TET1: variants seen among roughly 807,000 people sequenced by gnomAD.
TET1 encodes the protein tet methylcytosine dioxygenase 1, also known as methylcytosine dioxygenase TET1.
Under a neutral mutation model 148.7 loss-of-function variants are expected in TET1, and 13 were observed. The observed-to-expected ratio is 0.09, with a 90% CI of 0.06 to 0.14. The LOEUF is 0.14. TET1 is among the 10% of genes least tolerant of loss of function. The pLI is 1.00. For synonymous variants in TET1, 907 were observed against 937.2 expected, an observed-to-expected ratio of 0.97 and a Z score of 0.59; for missense variants, 2,182 against 2,553.8, an observed-to-expected ratio of 0.85 and a Z score of 3.14.
chr10:68,592,053 C>T (rs897229361), intron 2 of TET1, among the ~76,000 whole-genome samples: 1 of 152,170 alleles, frequency 6.6e-6, no homozygotes, highest in African/African-American at 2.4e-5. Flanking sequence ...TATGGTGGCT[C>T]ACGCCTGTAA....
intron 2 of TET1, among the ~76,000 whole-genome samples, chr10:68,593,943 T>TTTTTG (rs2053949574): frequency 1.5e-5 from 2 of 131,228 alleles, no homozygotes; most frequent in Non-Finnish European, 3.2e-5. Context: ...TTTTTTTTTT[T>TTTTTG]GAGACAGAGT....
intron 10 of TET1, among the ~76,000 whole-genome samples, chr10:68,685,565 T>G (rs2055497789): frequency 1.3e-5 from 2 of 152,114 alleles, no homozygotes; most frequent in Admixed American, 6.5e-5. Context: ...ATTAAAATAT[T>G]AGTTTTATAA....
chr10:68,645,411 A>C lies in TET1; in HGVS notation c.2682A>C (p.Ile894=), dbSNP rs751745328. The C allele has an allele frequency of 2.5e-6, 4 of 1,614,076 alleles. No homozygotes were observed. The highest frequency in any genetic ancestry group is 3.4e-6 in the Non-Finnish European group (4 of 1,180,036). ...RRLTLEQVVA[I]EALTQLSEAP... is the part of the protein sequence containing the mutation. ...TAACATTGGAGCAAGTGGTAGCCAT[A>C]GAGGCCCTGACTCAACTCTCAGAAG... is the stretch of plus-strand genomic sequence containing the variant. The change falls in exon 4 of 12, where the codon ATA becomes ATC. Residue 894 remains isoleucine, a synonymous_variant. Coordinates refer to ENST00000373644, the MANE Select transcript of TET1 (RefSeq NM_030625.3).
chr10:68,597,030 A>ATTTTTTTTTGTTTTTTTTTTT (rs2053996490), intron 2 of TET1, among the ~76,000 whole-genome samples: 1 of 98,894 alleles, frequency 1.0e-5, no homozygotes, highest in Non-Finnish European at 1.9e-5. Flanking sequence ...CAGCTAATGG[A>ATTTTTTTTTGTTTTTTTTTTT]TTTTTTTTTT....
At chr10:68,583,877 C>T (rs1052592113) in intron 2 of TET1, among the ~76,000 whole-genome samples, 6 of 151,654 alleles carry the variant, frequency 4.0e-5, no homozygotes, top group Non-Finnish European at 5.9e-5. Flanking sequence ...AACCACTGCA[C>T]ACCAGTCTGG....
chr10:68,676,668 G>A lies in TET1; in HGVS notation c.4824+3623G>A, dbSNP rs547906242. Among the ~76,000 whole-genome samples, 10 of 151,846 alleles carry A rather than the reference G, an allele frequency of 6.6e-5. No individual in the cohort carries two copies. The South Asian group carries it at 8.3e-4, about 13-fold the overall frequency. On this transcript the variant is annotated intron_variant, in intron 8 of 11. Transcript: ENST00000373644. ...GACCTCAGATGATCTGCCCTCCTCC[G>A]CCTCCCAAAGTGCTGGGATTATAGA... is the stretch of plus-strand genomic sequence containing the variant.
At chr10:68,580,604 AC>A (rs768802168) in intron 2 of TET1, among the ~76,000 whole-genome samples, 123 of 150,006 alleles carry the variant, frequency 8.2e-4, no homozygotes, top group Non-Finnish European at 1.5e-3. Flanking sequence ...CATGGTGAAA[AC>A]CCATCTCTAC....
At chr10:68,662,618 A>G (rs566165503) in intron 6 of TET1, among the ~76,000 whole-genome samples, 65 of 152,246 alleles carry the variant, frequency 4.3e-4, no homozygotes, top group African/African-American at 1.4e-3. Context: ...TGGTTTTATC[A>G]TGGCTGGGCG....
chr10:68,624,602 C>CCCTT (rs2054426454), intron 3 of TET1, among the ~76,000 whole-genome samples: 1 of 113,852 alleles, frequency 8.8e-6, no homozygotes, highest in African/African-American at 3.3e-5. Flanking sequence ...TTTTCTTTTT[C>CCCTT]TCTTTCTTTC....
In TET1 at chr10:68,686,401, C is replaced by T. The variant is rs774147515; in HGVS notation, c.5098C>T (p.Pro1700Ser). 2 of 1,613,386 alleles carry T rather than the reference C, an allele frequency of 1.2e-6. No individual in the cohort carries two copies. Among genetic ancestry groups the T allele is most frequent in the Non-Finnish European group, 1.7e-6 (2 of 1,179,718 alleles). ...AGATAACCGCTCTTTGGGTGTTATTCCTCAAGATGAGCAGCTCCATGTGCT... is the reference window on the plus strand; with the variant it reads ...AGATAACCGCTCTTTGGGTGTTATTTCTCAAGATGAGCAGCTCCATGTGCT... ...REDNRSLGVIPQDEQLHVLPL... is the reference protein window; with the variant it reads ...REDNRSLGVISQDEQLHVLPL... The change falls in exon 11 of 12, where the codon CCT becomes TCT. Residue 1700 changes from proline (P) to serine (S), a missense_variant. Transcript: ENST00000373644.
At chr10:68,613,021 T>A (rs1564968184) in intron 3 of TET1, among the ~76,000 whole-genome samples, 1 of 152,218 alleles carries the variant, frequency 6.6e-6, no homozygotes, top group Admixed American at 6.5e-5. Flanking sequence ...TCAATACATT[T>A]ATCTTTTTAA....
intron 3 of TET1, among the ~76,000 whole-genome samples, chr10:68,624,099 CT>C (rs773374173): frequency 1.4e-5 from 2 of 148,028 alleles, no homozygotes; most frequent in African/African-American, 4.9e-5. Flanking sequence ...TTCTTTCTTT[CT>C]TTTCTTTTTT....
Position 68,570,171 on chromosome 10 carries a change from C to A in TET1, c.-122-2046C>A, listed in dbSNP as rs560029241. 4.6e-5 allele frequency among the ~76,000 whole-genome samples: 7 copies of A among 151,882 alleles called. No homozygotes were observed. In the South Asian group the frequency reaches 1.5e-3, roughly 32 times the overall value. ...CCAGGCTGGAGTGCCATGGTGCAAT[C>A]TCAGCTCACTGCAACCTCTGCCTCC... is the stretch of plus-strand genomic sequence containing the variant. On this transcript the variant is annotated intron_variant, in intron 1 of 11. Transcript: ENST00000373644.
chr10:68,625,068 G>A (rs982634136), intron 3 of TET1, among the ~76,000 whole-genome samples: 3 of 152,076 alleles, frequency 2.0e-5, no homozygotes, highest in Non-Finnish European at 4.4e-5. Context: ...TACAACATCA[G>A]TTAAATTTTC....
rs183637854 is a variant in TET1 at position 68,675,611 on chromosome 10, G to T, written c.4824+2566G>T. 4.0e-3 allele frequency among the ~76,000 whole-genome samples: 587 copies of T among 147,686 alleles called. 2 individuals are homozygous for T. Among genetic ancestry groups the T allele is most frequent in the African/African-American group, 0.014 (561 of 40,322 alleles). ...GTCTGGGTCTCGCTCTGTCATCCAG[G>T]CTGGAGTGCAGTGATGTGATCTCAG... On this transcript the variant is annotated intron_variant, in intron 8 of 11. Coordinates refer to ENST00000373644, the MANE Select transcript of TET1 (RefSeq NM_030625.3).
chr10:68,574,344 G>A, intron 2 of TET1, 92 bp downstream of exon 2: 1 of 992,116 alleles, frequency 1.0e-6, no homozygotes, highest in Non-Finnish European at 1.5e-6. Flanking sequence ...GTGTCTCTAT[G>A]TAATAGTGAA....
chr10:68,620,108 T>C (rs771714253), intron 3 of TET1, among the ~76,000 whole-genome samples: 22 of 152,104 alleles, frequency 1.4e-4, no homozygotes, highest in Admixed American at 3.3e-4. Flanking sequence ...GCAGAGAGAA[T>C]TGCTTGAACA....
At position 68,573,640 on chromosome 10, in the gene TET1, T is replaced by C; in HGVS notation, c.1302T>C (p.Pro434=). The change falls in exon 2 of 12, where the codon CCT becomes CCC. Residue 434 remains proline, a synonymous_variant. Transcript: ENST00000373644. ...SVVPDLPVFL[P]VPPNPIATFN... ...TCCCAGACTTGCCTGTCTTCCTTCC[T>C]GTTCCTCCAAATCCAATTGCTACCT... The C allele has an allele frequency of 3.1e-6, 5 of 1,614,210 alleles. No homozygotes were observed. Among genetic ancestry groups the C allele is most frequent in the Non-Finnish European group, 3.4e-6 (4 of 1,180,048 alleles).
In TET1 at chr10:68,691,292, T is replaced by C; in HGVS notation, c.5889T>C (p.His1963=). Residue 1963 remains histidine (H), a synonymous_variant, in exon 12 of 12, where the codon CAT becomes CAC. Transcript: ENST00000373644. The surrounding 1 kb of genome is among the most constrained non-coding windows in gnomAD (Gnocchi z 4.4). ...CTCCAATGGAAGAAGATGAGCAGCATTCTGAAGCAGATGAGCCTCCATCAG... is the reference window on the plus strand; with the variant it reads ...CTCCAATGGAAGAAGATGAGCAGCACTCTGAAGCAGATGAGCCTCCATCAG... ...ASSPMEEDEQ[H]SEADEPPSDE... 1 of 1,614,196 alleles carries C rather than the reference T, an allele frequency of 6.2e-7. No homozygotes were observed. The highest frequency in any genetic ancestry group is 8.5e-7 in the Non-Finnish European group (1 of 1,180,036).
Sources: gnomAD v4.1 joint callset for allele counts (sites outside exome capture counted in the v4.1 genomes callset) on GRCh38, gnomAD v4.1.1 for gene constraint, Gnocchi (gnomAD v3.1) non-coding constraint, MANE v1.5 for transcripts, NCBI Gene and HGNC (gene_info 2026-07-23, HGNC 2026-07-21) for gene names.